The following PRKG1 variants were observed in gnomAD, a reference collection of about 807,000 sequenced individuals.
The protein encoded by PRKG1 is cGMP-dependent protein kinase 1.
PRKG1 carries 35 observed loss-of-function variants against 88.1 expected under a neutral mutation model. That is an observed-to-expected ratio of 0.40 (90% CI 0.30 to 0.53). The LOEUF (loss-of-function observed/expected upper bound fraction) is 0.53. Among genes scored for constraint, PRKG1 ranks in the 20% least tolerant of loss-of-function variants. The pLI is 0.59. For missense variants in PRKG1, 540 were observed against 839.8 expected (o/e 0.64, Z 4.41); for synonymous variants, 303 against 292.5 (o/e 1.04, Z -0.37).
chr10:52,216,496 T>A lies in PRKG1; in HGVS notation c.1077-35074T>A, dbSNP rs145343899. Among the ~76,000 whole-genome samples, 15 of 152,318 alleles carry A rather than the reference T, an allele frequency of 9.8e-5. No homozygotes were observed. In the East Asian group the frequency reaches 2.9e-3, roughly 29 times the overall value. On this transcript the variant is annotated intron_variant, in intron 9 of 17. Transcript: ENST00000373980. The stretch of plus-strand genomic sequence containing the variant: ...TGAATAGTCAGAGTTAGATGGAACA[T>A]CCAAAATAGAAAAATACCTGTTTAT...
chr10:51,788,658 G>A (rs535979185), intron 3 of PRKG1, among the ~76,000 whole-genome samples: 3 of 152,178 alleles, frequency 2.0e-5, no homozygotes, highest in East Asian at 1.9e-4. Flanking sequence ...CTTTCTTAAC[G>A]GGACCTAGAT....
At chr10:51,689,053 A>AT (rs1269478371) in intron 3 of PRKG1, among the ~76,000 whole-genome samples, 1 of 152,152 alleles carries the variant, frequency 6.6e-6, no homozygotes, top group Non-Finnish European at 1.5e-5. Context: ...TGCCATCCAT[A>AT]TAAGACATGA....
intron 2 of PRKG1, among the ~76,000 whole-genome samples, chr10:51,238,525 T>C (rs1839061262): frequency 6.6e-6 from 1 of 151,944 alleles, no homozygotes; most frequent in Non-Finnish European, 1.5e-5. Context: ...GAGGTTGCAG[T>C]GAGCCAAGAT....
intron 2 of PRKG1, among the ~76,000 whole-genome samples, chr10:51,286,123 A>G (rs1018024944): frequency 5.9e-5 from 9 of 152,066 alleles, no homozygotes; most frequent in Non-Finnish European, 1.2e-4. Context: ...GGCCTGCCCC[A>G]CCATGCCTGG....
chr10:51,074,854 C>G lies in PRKG1; in HGVS notation c.264C>G (p.Ile88Met). ...AISAEPTAFD[I>M]QDLSHVTLPF... ...CCGCCGAGCCCACCGCCTTCGACAT[C>G]CAGGATCTCAGCCATGTGACCCTGC... The change falls in exon 1 of 18, where the codon ATC becomes ATG. Residue 88 changes from isoleucine to methionine, a missense_variant. Ile to Met is a conservative substitution (Grantham distance 10). Transcript: ENST00000373980. The G allele has an allele frequency of 1.2e-6, 2 of 1,613,414 alleles. No homozygotes were observed. The highest frequency in any genetic ancestry group is 1.7e-6 in the Non-Finnish European group (2 of 1,179,574).
At chr10:51,508,239 A>G (rs900972630) in intron 3 of PRKG1, among the ~76,000 whole-genome samples, 2 of 152,208 alleles carry the variant, frequency 1.3e-5, no homozygotes, top group Admixed American at 6.6e-5. Flanking sequence ...GTCAGTATAA[A>G]TGTATCACAA....
intron 2 of PRKG1, among the ~76,000 whole-genome samples, chr10:51,183,708 T>C (rs1289510290): frequency 6.6e-6 from 1 of 152,196 alleles, no homozygotes; most frequent in Non-Finnish European, 1.5e-5. Flanking sequence ...TATATTTATA[T>C]ATCTGTATAT....
intron 10 of PRKG1, among the ~76,000 whole-genome samples, chr10:52,269,454 C>G (rs1301509323): frequency 6.6e-6 from 1 of 152,066 alleles, no homozygotes; most frequent in Non-Finnish European, 1.5e-5. Flanking sequence ...TTGCTGGCAG[C>G]TAACCGAGGC....
chr10:51,579,352 C>T (rs980601152), intron 3 of PRKG1, among the ~76,000 whole-genome samples: 42 of 152,014 alleles, frequency 2.8e-4, no homozygotes, highest in African/African-American at 9.4e-4. Flanking sequence ...GAAATTAATA[C>T]ACATATAGAA....
chr10:51,414,310 T>C (rs1228484951), intron 2 of PRKG1, among the ~76,000 whole-genome samples: 3 of 152,184 alleles, frequency 2.0e-5, no homozygotes, highest in Non-Finnish European at 4.4e-5. Flanking sequence ...AGGACGGTGC[T>C]AGAAGGAGGA....
At chr10:51,517,252 T>G (rs2132071309) in intron 3 of PRKG1, among the ~76,000 whole-genome samples, 1 of 152,240 alleles carries the variant, frequency 6.6e-6, no homozygotes, top group South Asian at 2.1e-4. Context: ...GACAAATGGG[T>G]TTGAACTAAG....
At chr10:51,268,953 C>T (rs1403946393) in intron 2 of PRKG1, among the ~76,000 whole-genome samples, 1 of 152,194 alleles carries the variant, frequency 6.6e-6, no homozygotes, top group African/African-American at 2.4e-5. Flanking sequence ...GCCATGGCTT[C>T]AGCCGGTCCT....
chr10:51,419,268 G>A (rs1454119922), intron 2 of PRKG1, among the ~76,000 whole-genome samples: 1 of 152,078 alleles, frequency 6.6e-6, no homozygotes, highest in Non-Finnish European at 1.5e-5. Flanking sequence ...GTATATCAGT[G>A]ACAATCACTG....
intron 9 of PRKG1, among the ~76,000 whole-genome samples, chr10:52,220,126 G>T (rs1840207585): frequency 6.6e-6 from 1 of 152,094 alleles, no homozygotes; most frequent in Admixed American, 6.6e-5. Context: ...CTAGAGTGTG[G>T]CCCCAGTGAC....
intron 3 of PRKG1, among the ~76,000 whole-genome samples, chr10:51,741,300 C>A (rs1277200267): frequency 6.6e-6 from 1 of 152,024 alleles, no homozygotes; most frequent in Non-Finnish European, 1.5e-5. Flanking sequence ...TCTGCATTAT[C>A]AAGTCTAGGA....
chr10:51,087,762 T>C (rs1051085294), intron 1 of PRKG1, among the ~76,000 whole-genome samples: 4 of 152,142 alleles, frequency 2.6e-5, no homozygotes, highest in Non-Finnish European at 5.9e-5. Flanking sequence ...TCAATTTTGG[T>C]TTGCTGTTTT....
At chr10:51,817,274 G>C (rs921155094) in intron 4 of PRKG1, among the ~76,000 whole-genome samples, 1 of 151,928 alleles carries the variant, frequency 6.6e-6, no homozygotes, top group Non-Finnish European at 1.5e-5. Flanking sequence ...GTATACATGT[G>C]CAATGGTGGT....
At chr10:51,454,952 C>T (rs1480781344) in intron 2 of PRKG1, among the ~76,000 whole-genome samples, 1 of 152,220 alleles carries the variant, frequency 6.6e-6, no homozygotes, top group Non-Finnish European at 1.5e-5. Flanking sequence ...CCCCCAACAT[C>T]TTATCTCATT....
chr10:52,040,832 C>CTTTTTTTT lies in PRKG1; in HGVS notation c.763-13638_763-13631dup, dbSNP rs11312625. On this transcript the variant is annotated intron_variant, in intron 5 of 17. Coordinates refer to ENST00000373980, the MANE Select transcript of PRKG1 (RefSeq NM_006258.4). The stretch of plus-strand genomic sequence containing the variant: ...TGTGAGTTTGTCATAAATGGCTTTT[C>CTTTTTTTT]TTTTTTTTTTTTTTTTTTTTTGAGA... Among the ~76,000 whole-genome samples the CTTTTTTTT allele has an allele frequency of 1.6e-3, 136 of 85,196 alleles. 1 individual carries two copies. Among genetic ancestry groups the CTTTTTTTT allele is most frequent in the African/African-American group, 2.3e-3 (49 of 21,044 alleles). 55.9% of individuals were successfully genotyped at this position (85,196 alleles called of 152,430 possible).
Sources: gnomAD v4.1 joint callset for allele counts (sites outside exome capture counted in the v4.1 genomes callset) on GRCh38, gnomAD v4.1.1 for gene constraint, MANE v1.5 for transcripts, NCBI Gene and HGNC (gene_info 2026-07-23, HGNC 2026-07-21) for gene names.